Variants in OPRM1 observed in about 807,000 individuals in gnomAD.
OPRM1 encodes mu-type opioid receptor.
OPRM1 carries 27 observed loss-of-function variants against 31.8 expected under a neutral mutation model. The ratio of observed to expected loss-of-function variants is 0.85; its 90% CI spans 0.63 to 1.17. The LOEUF is 1.17. OPRM1 is among the 50% of genes most tolerant of loss of function. The pLI is 0.00. For missense variants in OPRM1, 536 were observed against 511.1 expected, an observed-to-expected ratio of 1.05 and a Z score of -0.47; for synonymous variants, 196 against 189.9, an observed-to-expected ratio of 1.03 and a Z score of -0.26.
intron 3 of OPRM1, chr6:154,212,963 C>T: frequency 2.6e-6 from 2 of 772,074 alleles, no homozygotes; most frequent in Non-Finnish European, 4.4e-6. Context: ...CAATCCAATT[C>T]AGAAAGTTCA....
chr6:154,107,888 T>TA, intron 3 of OPRM1: 1 of 673,816 alleles, frequency 1.5e-6, no homozygotes, highest in Non-Finnish European at 2.7e-6. Context: ...TACACCAGCT[T>TA]AAAAATAGCC....
At chr6:154,117,934 G>C (rs1178934233) in intron 3 of OPRM1, among the ~76,000 whole-genome samples, 2 of 149,758 alleles carry the variant, frequency 1.3e-5, no homozygotes, top group African/African-American at 4.9e-5. Context: ...AAAGCACATG[G>C]ATAAAGCACA....
Position 154,122,621 on chromosome 6 carries a change from TA to T in OPRM1, c.*3901del, listed in dbSNP as rs796904279. ...CAGTGTTCTTCACTGTCTTCAAAAA[TA>T]TAAAAAGTACAAGGAATTGTGTACA... On this transcript the variant is annotated 3_prime_UTR_variant, in exon 4 of 4. Coordinates refer to ENST00000330432, the MANE Select transcript of OPRM1 (RefSeq NM_000914.5). 2.6e-5 allele frequency among the ~76,000 whole-genome samples: 4 copies of T among 152,294 alleles called. No homozygotes were observed. Among genetic ancestry groups the T allele is most frequent in the African/African-American group, 9.6e-5 (4 of 41,582 alleles).
At chr6:154,132,869 C>A (rs1044043860), downstream of OPRM1, among the ~76,000 whole-genome samples, 8 of 152,124 alleles carry the variant, frequency 5.3e-5, no homozygotes, top group African/African-American at 1.7e-4. Context: ...CGCCTGTAAT[C>A]CCAGCACTTT....
downstream of OPRM1, among the ~76,000 whole-genome samples, chr6:154,134,770 C>T (rs778115827): frequency 3.3e-5 from 5 of 151,876 alleles, no homozygotes; most frequent in East Asian, 1.9e-4. Flanking sequence ...AGCTGAGCAG[C>T]GAATTTAAAA....
intron 3 of OPRM1, among the ~76,000 whole-genome samples, chr6:154,103,824 T>C (rs609623): frequency 0.67 from 102,511 of 151,992 alleles, 34,857 homozygotes; most frequent in East Asian, 0.9. Context: ...CTTGTTGCCA[T>C]TTTGGTTTTC....
intron 1 of OPRM1, among the ~76,000 whole-genome samples, chr6:154,089,313 G>T (rs1458958125): frequency 6.6e-6 from 1 of 152,038 alleles, no homozygotes. Flanking sequence ...CTCACTGCGT[G>T]TGGTGTCTCA....
chr6:154,090,066 C>T lies in OPRM1; in HGVS notation c.531C>T (p.Ala177=). 1 of 1,614,114 alleles carries T rather than the reference C, an allele frequency of 6.2e-7. No homozygotes were observed. The highest frequency in any genetic ancestry group is 1.3e-5 in the African/African-American group (1 of 75,024). The change falls in exon 2 of 4, where the codon GCC becomes GCT. Residue 177 remains alanine (A), a synonymous_variant. Transcript: ENST00000330432. ...TTGCAGTCTGCCACCCTGTCAAGGCCTTAGATTTCCGTACTCCCCGAAATG... is the reference window on the plus strand; with the variant it reads ...TTGCAGTCTGCCACCCTGTCAAGGCTTTAGATTTCCGTACTCCCCGAAATG... ...RYIAVCHPVK[A]LDFRTPRNAK...
chr6:154,096,158 A>G (rs1793345143), intron 3 of OPRM1, among the ~76,000 whole-genome samples: 2 of 152,026 alleles, frequency 1.3e-5, no homozygotes. Flanking sequence ...CCTGGTTCAA[A>G]CGATTCTCCT....
chr6:154,116,584 CAAAA>C (rs1293710740), intron 3 of OPRM1, among the ~76,000 whole-genome samples: 3 of 72,916 alleles, frequency 4.1e-5, no homozygotes, highest in Non-Finnish European at 6.0e-5. Context: ...GACTCTGCCT[CAAAA>C]AAAAAAAAAA....
intron 3 of OPRM1, among the ~76,000 whole-genome samples, chr6:154,111,352 T>G (rs1255189722): frequency 6.6e-6 from 1 of 152,212 alleles, no homozygotes; most frequent in African/African-American, 2.4e-5. Flanking sequence ...AAACTCTGAT[T>G]GGCTTCAAAA....
chr6:154,049,503 C>A (rs778695609), intron 1 of OPRM1, among the ~76,000 whole-genome samples: 23 of 151,960 alleles, frequency 1.5e-4, no homozygotes, highest in African/African-American at 5.3e-4. Flanking sequence ...TATTATTTTG[C>A]GGGTAAATAT....
chr6:154,178,899 A>C (rs1239723896), intron 3 of OPRM1, among the ~76,000 whole-genome samples: 1 of 152,244 alleles, frequency 6.6e-6, no homozygotes, highest in Non-Finnish European at 1.5e-5. Flanking sequence ...TTCCAGAATC[A>C]TCCACAAGCA....
At chr6:154,018,870 A>G (rs998911044) in intron 1 of OPRM1, among the ~76,000 whole-genome samples, 20 of 152,170 alleles carry the variant, frequency 1.3e-4, no homozygotes, top group Admixed American at 3.9e-4. Context: ...ACCTGTATTA[A>G]TATCTTCTCT....
chr6:154,023,732 A>G (rs1778522083), intron 1 of OPRM1, among the ~76,000 whole-genome samples: 1 of 152,048 alleles, frequency 6.6e-6, no homozygotes. Flanking sequence ...TTCTAGCCCC[A>G]GTTTTTTGAG....
intron 1 of OPRM1, among the ~76,000 whole-genome samples, chr6:154,015,465 A>G (rs1405353067): frequency 6.6e-6 from 1 of 152,074 alleles, no homozygotes; most frequent in Non-Finnish European, 1.5e-5. Flanking sequence ...ATGGAAAAAG[A>G]CAAAAATTAG....
In OPRM1 at chr6:154,210,601, C is replaced by T. The variant is rs1777880813; in HGVS notation, c.1165-36092C>T. Among the ~76,000 whole-genome samples the T allele has an allele frequency of 2.0e-5, 3 of 152,102 alleles. 1 individual carries two copies. In the South Asian group the frequency reaches 6.2e-4, roughly 31 times the overall value. On this transcript the variant is annotated intron_variant, in intron 3 of 3. Coordinates refer to the OPRM1 transcript ENST00000337049. ...CAAAAGCTGAGAAACATTGTAAGGT[C>T]TGAAGATATCATTAAGTTTGAAAGA... is the stretch of plus-strand genomic sequence containing the variant.
intron 3 of OPRM1, among the ~76,000 whole-genome samples, chr6:154,209,487 CA>C (rs950737544): frequency 4.7e-5 from 7 of 147,968 alleles, no homozygotes; most frequent in Admixed American, 6.7e-5. Context: ...CCTATCTCCA[CA>C]AAAAAAAAAT....
Position 154,112,955 on chromosome 6 carries a change from AC to A in OPRM1, c.1165-5727del, listed in dbSNP as rs528386494. On this transcript the variant is annotated intron_variant, in intron 3 of 3. Transcript: ENST00000330432. ...GATCCCCGACCCAATTAAATAAGTC[AC>A]AGAGAAGACTAATAGGTCAAATTTC... 3.2e-4 allele frequency among the ~76,000 whole-genome samples: 48 copies of A among 152,358 alleles called. No homozygotes were observed. In the East Asian group the frequency reaches 9.3e-3, roughly 29 times the overall value.
Sources: gnomAD v4.1 joint callset for allele counts (sites outside exome capture counted in the v4.1 genomes callset) on GRCh38, gnomAD v4.1.1 for gene constraint, MANE v1.5 for transcripts, NCBI Gene and HGNC (gene_info 2026-07-23, HGNC 2026-07-21) for gene names.